The following HIP1 variants were observed in gnomAD, a reference collection of about 807,000 sequenced individuals.
HIP1 encodes the protein huntingtin-interacting protein 1.
Under a neutral mutation model 147.6 loss-of-function variants are expected in HIP1, and 65 were observed. The observed-to-expected ratio is 0.44, with a 90% CI of 0.36 to 0.54. HIP1 has a LOEUF of 0.54. Ranked by LOEUF, HIP1 falls within the 20% of genes least tolerant of loss-of-function variation. The probability of loss-of-function intolerance (pLI) is 0.00; values close to 1 mark genes in which losing one functional copy is unlikely to be tolerated. For synonymous variants in HIP1, 479 were observed against 504.0 expected (o/e 0.95, Z 0.67); for missense variants, 1,061 against 1,299.6 (o/e 0.82, Z 2.82).
At chr7:75,553,217 C>A (rs975532192) in intron 22 of HIP1, among the ~76,000 whole-genome samples, 1 of 151,902 alleles carries the variant, frequency 6.6e-6, no homozygotes, top group Admixed American at 6.6e-5. Flanking sequence ...GGATTACAGG[C>A]GTGAGCCATC....
At chr7:75,659,357 GTTA>G (rs1554513234) in intron 1 of HIP1, among the ~76,000 whole-genome samples, 1 of 152,170 alleles carries the variant, frequency 6.6e-6, no homozygotes, top group East Asian at 1.9e-4. Context: ...GGCAACTACT[GTTA>G]TTAGAAACAT....
In HIP1 at chr7:75,616,661, C is replaced by T. The variant is rs1341545082; in HGVS notation, c.121-17414G>A. 3.3e-5 allele frequency among the ~76,000 whole-genome samples: 5 copies of T among 151,610 alleles called. No individual in the cohort carries two copies. The East Asian group carries it at 7.8e-4, about 24-fold the overall frequency. On this transcript the variant is annotated intron_variant, in intron 1 of 30. Transcript: ENST00000336926. ...GGAAGAAATAGTAGCAGCAGGAAGC[C>T]ACAAAGCCAAAAACATTTACCATCT... is the stretch of plus-strand genomic sequence containing the variant.
intron 1 of HIP1, among the ~76,000 whole-genome samples, chr7:75,600,592 A>T (rs1418184027): frequency 2.6e-5 from 4 of 152,180 alleles, no homozygotes; most frequent in African/African-American, 9.7e-5. Flanking sequence ...TCACATACAT[A>T]CACCCACACA....
intron 1 of HIP1, among the ~76,000 whole-genome samples, chr7:75,629,457 G>A (rs1798141231): frequency 6.6e-6 from 1 of 152,066 alleles, no homozygotes; most frequent in Non-Finnish European, 1.5e-5. Context: ...TCTCTCAACT[G>A]GAATGTCTTC....
chr7:75,542,278 T>G (rs1242608597), intron 28 of HIP1, among the ~76,000 whole-genome samples: 2 of 150,362 alleles, frequency 1.3e-5, no homozygotes, highest in African/African-American at 4.9e-5. Flanking sequence ...CGCCTGTAAT[T>G]CCAGCTACTT....
At chr7:75,553,403 C>G (rs587625679) in intron 22 of HIP1, 50 bp downstream of exon 22, 1 of 1,594,470 alleles carries the variant, frequency 6.3e-7, no homozygotes, top group Admixed American at 1.7e-5. Context: ...TTCACCAGCA[C>G]GCACACCCAG....
intron 29 of HIP1, 126 bp downstream of exon 29, chr7:75,541,793 A>C: frequency 1.6e-6 from 1 of 637,790 alleles, no homozygotes; most frequent in East Asian, 2.6e-5. Flanking sequence ...GGCAAGATTT[A>C]CATTCAGTCT....
At chr7:75,593,708 C>T in intron 2 of HIP1, among the ~76,000 whole-genome samples, 1 of 151,868 alleles carries the variant, frequency 6.6e-6, no homozygotes, top group Non-Finnish European at 1.5e-5. Flanking sequence ...GAGTCCTGCA[C>T]CTTGACCCCT....
chr7:75,537,300 A>G lies in HIP1; in HGVS notation c.*872T>C, dbSNP rs1040562871. On this transcript the variant is annotated 3_prime_UTR_variant, in exon 31 of 31. Transcript: ENST00000336926. Reference sequence around the variant, plus strand: ...TCAGCTTTAGGAGGGAAAGGCACTCACTCTCCTTCTGCTTTTTGAGGAAAG... The same window carrying G: ...TCAGCTTTAGGAGGGAAAGGCACTCGCTCTCCTTCTGCTTTTTGAGGAAAG... The G allele has an allele frequency of 4.3e-6, 1 of 232,544 alleles. No individual in the cohort carries two copies. Among genetic ancestry groups the G allele is most frequent in the African/African-American group, 2.2e-5 (1 of 45,104 alleles). 14.4% of individuals were successfully genotyped at this position (232,544 alleles called of 1,614,324 possible). A position where few individuals can be genotyped will look rare whatever the true frequency, so the allele number is the denominator to read the frequency against.
intron 22 of HIP1, among the ~76,000 whole-genome samples, chr7:75,552,786 C>T (rs1341536098): frequency 6.6e-6 from 1 of 151,990 alleles, no homozygotes; most frequent in Non-Finnish European, 1.5e-5. Flanking sequence ...GTAATGATGA[C>T]AACATAGTAG....
chr7:75,624,746 T>C (rs17148752), intron 1 of HIP1, among the ~76,000 whole-genome samples: 12,304 of 152,160 alleles, frequency 0.081, 644 homozygotes, highest in African/African-American at 0.14. Context: ...ATACGTCCTG[T>C]CTAATTTGAC....
chr7:75,688,230 A>T (rs782414483), intron 1 of HIP1, among the ~76,000 whole-genome samples: 29 of 152,124 alleles, frequency 1.9e-4, no homozygotes, highest in Admixed American at 9.8e-4. Context: ...GGGAGGTGGG[A>T]CCGCCCTTGT....
intron 2 of HIP1, 133 bp from the exon 3 acceptor site, chr7:75,592,647 T>C: frequency 2.2e-6 from 2 of 897,206 alleles, no homozygotes; most frequent in South Asian, 1.8e-5. Context: ...ACCCAGCCAC[T>C]GCAGGGGACC....
intron 1 of HIP1, among the ~76,000 whole-genome samples, chr7:75,721,772 G>C (rs559120587): frequency 1.3e-5 from 2 of 152,144 alleles, no homozygotes; most frequent in Non-Finnish European, 2.9e-5. Flanking sequence ...AGTTCTTCTG[G>C]GGGGGCAAAG....
chr7:75,604,149 A>G (rs137996403), intron 1 of HIP1, among the ~76,000 whole-genome samples: 4 of 152,168 alleles, frequency 2.6e-5, no homozygotes, highest in Non-Finnish European at 5.9e-5. Context: ...CACCATGACA[A>G]TGGCAAAATT....
intron 28 of HIP1, among the ~76,000 whole-genome samples, chr7:75,542,282 G>C (rs587723518): frequency 6.6e-6 from 1 of 152,002 alleles, no homozygotes; most frequent in East Asian, 1.9e-4. Context: ...TGTAATTCCA[G>C]CTACTTGGGA....
At chr7:75,544,980 T>C in intron 26 of HIP1, 108 bp downstream of exon 26, 2 of 797,932 alleles carry the variant, frequency 2.5e-6, no homozygotes, top group Non-Finnish European at 4.2e-6. Context: ...TCCTGATCAA[T>C]AGTTTATTTC....
intron 26 of HIP1, 58 bp downstream of exon 26, chr7:75,545,030 G>T: frequency 1.9e-6 from 2 of 1,026,514 alleles, no homozygotes; most frequent in Non-Finnish European, 3.0e-6. Flanking sequence ...GCTATTGTTT[G>T]GAGTGGATCA....
In HIP1 at chr7:75,556,497, C is replaced by T. The variant is rs1057342651; in HGVS notation, c.1683+213G>A. On this transcript the variant is annotated intron_variant, in intron 17 of 30. Coordinates refer to ENST00000336926, the MANE Select transcript of HIP1 (RefSeq NM_005338.7). Reference sequence around the variant, plus strand: ...TGGAGTTCGAGACCAGCCTGGGCAACATAGTGAAACCCCGTCTCTACCAAA... The same window carrying T: ...TGGAGTTCGAGACCAGCCTGGGCAATATAGTGAAACCCCGTCTCTACCAAA... 7.2e-5 allele frequency among the ~76,000 whole-genome samples: 11 copies of T among 152,140 alleles called. No individual in the cohort carries two copies. The Middle Eastern group carries it at 0.01, about 141-fold the overall frequency.
Sources: allele counts gnomAD v4.1 joint callset (sites outside exome capture counted in the v4.1 genomes callset), GRCh38; gene constraint gnomAD v4.1.1; transcripts MANE v1.5; gene names NCBI Gene and HGNC (gene_info 2026-07-23, HGNC 2026-07-21).